Variants in PRDM1 observed in about 807,000 individuals in gnomAD.
The protein encoded by PRDM1 is PR domain zinc finger protein 1.
In PRDM1, 13 loss-of-function variants were observed where a neutral mutation model predicts 62.8. The ratio of observed to expected loss-of-function variants is 0.21; its 90% CI spans 0.13 to 0.33. The LOEUF is 0.33. PRDM1 is among the 10% of genes least tolerant of loss of function. PRDM1 has a pLI of 1.00. For missense variants in PRDM1, 895 were observed against 1,058.8 expected, an observed-to-expected ratio of 0.85 and a Z score of 2.15; for synonymous variants, 396 against 417.6, an observed-to-expected ratio of 0.95 and a Z score of 0.63.
chr6:106,021,055 C>A (rs1287904761), intron 1 of PRDM1, among the ~76,000 whole-genome samples: 1 of 152,084 alleles, frequency 6.6e-6, no homozygotes, highest in African/African-American at 2.4e-5. Flanking sequence ...AAAAGTAGGC[C>A]ATTCATAACA....
At chr6:106,015,782 T>C (rs933049813) in intron 1 of PRDM1, among the ~76,000 whole-genome samples, 2 of 152,144 alleles carry the variant, frequency 1.3e-5, no homozygotes, top group Admixed American at 1.3e-4. Flanking sequence ...TCCTTTTCTT[T>C]CTTTTTTTTT....
At chr6:106,018,643 T>G (rs1772653946) in intron 1 of PRDM1, among the ~76,000 whole-genome samples, 1 of 152,004 alleles carries the variant, frequency 6.6e-6, no homozygotes, top group South Asian at 2.1e-4. Flanking sequence ...GTCCTTCAAT[T>G]GAAATATGTC....
Position 106,109,420 on chromosome 6 carries a change from T to C in PRDM1, c.*1934T>C. 1 of 233,398 alleles carries C rather than the reference T, an allele frequency of 4.3e-6. No individual in the cohort carries two copies. The highest frequency in any genetic ancestry group is 8.5e-6 in the Non-Finnish European group (1 of 117,858). 14.5% of individuals were successfully genotyped at this position (233,398 alleles called of 1,614,324 possible). A position where few individuals can be genotyped will look rare whatever the true frequency, so the allele number is the denominator to read the frequency against. On this transcript the variant is annotated 3_prime_UTR_variant, in exon 7 of 7. Transcript: ENST00000369096. The stretch of plus-strand genomic sequence containing the variant: ...AATACTGATACATTACTCCAATCTA[T>C]TTTATAATTATATTTGACATTTTGT...
Position 106,105,415 on chromosome 6 carries a change from G to T in PRDM1, c.1255G>T (p.Gly419Cys), listed in dbSNP as rs758348361. 3.1e-6 allele frequency: 5 copies of T among 1,614,056 alleles called. No individual in the cohort carries two copies. The highest frequency in any genetic ancestry group is 4.2e-6 in the Non-Finnish European group (5 of 1,180,030). The stretch of plus-strand genomic sequence containing the variant: ...CCCCAAGTTCCTCTTGCCCCCCTAC[G>T]GCATGAATTGTAATGGCCTGAGCGC... Reference protein sequence around the residue: ...HYPKFLLPPYGMNCNGLSAVS... With the variant: ...HYPKFLLPPYCMNCNGLSAVS... Residue 419 changes from glycine (G) to cysteine (C), a missense_variant, in exon 5 of 7, where the codon GGC becomes TGC. Gly to Cys is a radical substitution (Grantham distance 159). Around this residue, in one of 4 missense-constraint regions of PRDM1, gnomAD observed 444 missense variants for 422.7 expected, o/e 1.05. Coordinates refer to ENST00000369096, the MANE Select transcript of PRDM1 (RefSeq NM_001198.4).
At chr6:106,045,850 A>T (rs1003123421), upstream of PRDM1, 1 of 152,240 alleles carries the variant, frequency 6.6e-6, no homozygotes, top group Non-Finnish European at 1.5e-5. Flanking sequence ...AAAGCTAAAC[A>T]AAACCAATGC....
At chr6:106,069,348 A>T (rs1185183209) in intron 1 of PRDM1, among the ~76,000 whole-genome samples, 1 of 152,276 alleles carries the variant, frequency 6.6e-6, no homozygotes, top group East Asian at 1.9e-4. Context: ...AAAAAAAAAA[A>T]TCAAAGTTAT....
chr6:106,083,527 A>T (rs1773733318), upstream of PRDM1, among the ~76,000 whole-genome samples: 1 of 151,950 alleles, frequency 6.6e-6, no homozygotes, highest in South Asian at 2.1e-4. Context: ...TTCCCAATCC[A>T]CCCAGGAACT....
At chr6:106,008,430 C>T (rs914424798) in intron 1 of PRDM1, among the ~76,000 whole-genome samples, 3 of 152,238 alleles carry the variant, frequency 2.0e-5, no homozygotes, top group Non-Finnish European at 4.4e-5. Flanking sequence ...GAAATCTTCT[C>T]CATGTGCCGA....
chr6:106,098,773 T>G, intron 3 of PRDM1: 1 of 1,474,426 alleles, frequency 6.8e-7, no homozygotes. Flanking sequence ...ACTTGGAGGG[T>G]TGGGGGTGGA....
chr6:106,016,319 TATG>T (rs1238529223), intron 1 of PRDM1, among the ~76,000 whole-genome samples: 2 of 152,186 alleles, frequency 1.3e-5, no homozygotes, highest in Non-Finnish European at 2.9e-5. Context: ...GTTTTATACT[TATG>T]ATGTATAATT....
chr6:106,080,303 G>A (rs1176329062), intron 1 of PRDM1, among the ~76,000 whole-genome samples: 2 of 152,148 alleles, frequency 1.3e-5, no homozygotes, highest in Non-Finnish European at 2.9e-5. Context: ...GCAAAGTGCA[G>A]TTTAATCACT....
chr6:106,020,146 T>G (rs1772678152), intron 1 of PRDM1, among the ~76,000 whole-genome samples: 1 of 145,446 alleles, frequency 6.9e-6, no homozygotes, highest in Non-Finnish European at 1.5e-5. Flanking sequence ...AAGAATCACT[T>G]GAACCCAGGA....
rs940196192 is a variant in PRDM1 at position 106,107,182 on chromosome 6, G to T, written c.2174G>T (p.Arg725Leu). 6.2e-7 allele frequency: 1 copy of T among 1,614,046 alleles called. No individual in the cohort carries two copies. Among genetic ancestry groups the T allele is most frequent in the Non-Finnish European group, 8.5e-7 (1 of 1,180,048 alleles). The change falls in exon 7 of 7, where the codon CGA becomes CTA. Residue 725 changes from arginine (R) to leucine (L), a missense_variant. Arg to Leu is a moderately radical substitution (Grantham distance 102). Around this residue, in one of 4 missense-constraint regions of PRDM1, gnomAD observed 164 missense variants for 179.9 expected, o/e 0.91. Coordinates refer to ENST00000369096, the MANE Select transcript of PRDM1 (RefSeq NM_001198.4). ...GGGCTGCCCTTGGAAGATCTGACCC[G>T]AATCAATGAAGAAATCGAGAAGTTT... is the stretch of plus-strand genomic sequence containing the variant. The part of the protein sequence containing the change: ...APGLPLEDLT[R>L]INEEIEKFDI...
At chr6:106,059,287 C>T (rs777079391) in intron 1 of PRDM1, among the ~76,000 whole-genome samples, 1 of 152,090 alleles carries the variant, frequency 6.6e-6, no homozygotes, top group Non-Finnish European at 1.5e-5. Context: ...AGATAGAGCT[C>T]TGTAGACCAA....
chr6:106,080,298 G>A (rs1318984652), intron 1 of PRDM1, among the ~76,000 whole-genome samples: 1 of 152,104 alleles, frequency 6.6e-6, no homozygotes, highest in African/African-American at 2.4e-5. Flanking sequence ...CTAATGCAAA[G>A]TGCAGTTTAA....
intron 4 of PRDM1, chr6:106,100,338 T>C (rs928656835): frequency 6.6e-6 from 1 of 152,268 alleles, no homozygotes; most frequent in Admixed American, 6.5e-5. Flanking sequence ...CTAAATCTTA[T>C]TAGCAGTTTT....
chr6:106,036,805 C>G (rs1300078723), intron 1 of PRDM1, among the ~76,000 whole-genome samples: 1 of 152,050 alleles, frequency 6.6e-6, no homozygotes, highest in Non-Finnish European at 1.5e-5. Context: ...ACTAAAAATA[C>G]AAAAATTAGC....
At chr6:106,030,996 C>CTTTTTTTTTTTTTTCTTT (rs1772836501) in intron 1 of PRDM1, among the ~76,000 whole-genome samples, 3 of 135,314 alleles carry the variant, frequency 2.2e-5, no homozygotes, top group Admixed American at 7.4e-5. Context: ...TGTATTCTCT[C>CTTTTTTTTTTTTTTCTTT]TTTTTTTTTT....
intron 1 of PRDM1, 153 bp from the exon 2 acceptor site, chr6:106,088,048 C>A: frequency 5.6e-5 from 32 of 575,670 alleles, no homozygotes; most frequent in East Asian, 8.1e-5. Context: ...AGGCAGTTTA[C>A]TTTATACGGC....
Sources: gnomAD v4.1 joint callset for allele counts (sites outside exome capture counted in the v4.1 genomes callset) on GRCh38, gnomAD v4.1.1 for gene constraint, gnomAD v4.1.1 regional missense constraint, MANE v1.5 for transcripts, NCBI Gene and HGNC (gene_info 2026-07-23, HGNC 2026-07-21) for gene names.